Variants in FKBP5 observed in about 807,000 individuals in gnomAD.
FKBP5 encodes the protein peptidyl-prolyl cis-trans isomerase FKBP5.
A neutral mutation model predicts 50.5 loss-of-function variants in FKBP5; 23 were observed. The observed-to-expected ratio is 0.46, with a 90% CI of 0.33 to 0.65. The LOEUF is 0.65. Ranked by LOEUF, FKBP5 falls within the 30% of genes least tolerant of loss-of-function variation. The pLI is 0.02. For missense variants in FKBP5, 411 were observed against 553.1 expected (o/e 0.74, Z 2.58); for synonymous variants, 176 against 190.6 (o/e 0.92, Z 0.63).
At position 35,600,966 on chromosome 6, in the gene FKBP5, G is replaced by A. The variant is rs1215363935; in HGVS notation, c.509-3562C>T. Among the ~76,000 whole-genome samples the A allele has an allele frequency of 2.0e-5, 3 of 152,108 alleles. No homozygotes were observed. The East Asian group carries it at 5.8e-4, about 29-fold the overall frequency. Reference sequence around the variant, plus strand: ...AATAAACATGTTGGGAAAGATAAATGAAGTAACCATGCCAAAAAAAAGTCA... The same window carrying A: ...AATAAACATGTTGGGAAAGATAAATAAAGTAACCATGCCAAAAAAAAGTCA... On this transcript the variant is annotated intron_variant, in intron 5 of 10. Transcript: ENST00000357266.
In FKBP5 at chr6:35,589,260, C is replaced by G. The variant is rs367585780; in HGVS notation, c.756+1870G>C. ...TCACCTGTCTCAGCTTCCCGAATAGCTGAGATTACAGGCACCTGCCACCAC... is the reference window on the plus strand; with the variant it reads ...TCACCTGTCTCAGCTTCCCGAATAGGTGAGATTACAGGCACCTGCCACCAC... On this transcript the variant is annotated intron_variant, in intron 7 of 10. Coordinates refer to ENST00000357266, the MANE Select transcript of FKBP5 (RefSeq NM_004117.4). Among the ~76,000 whole-genome samples the G allele has an allele frequency of 2.0e-5, 3 of 151,086 alleles. No homozygotes were observed. The East Asian group carries it at 5.9e-4, about 30-fold the overall frequency.
intron 1 of FKBP5, among the ~76,000 whole-genome samples, chr6:35,650,262 C>T (rs1369306675): frequency 3.5e-5 from 5 of 142,548 alleles, no homozygotes; most frequent in Non-Finnish European, 7.5e-5. Context: ...GGTTGCACCA[C>T]TGCACTGCAG....
chr6:35,630,322 G>A (rs1324251112), intron 3 of FKBP5, among the ~76,000 whole-genome samples: 1 of 152,258 alleles, frequency 6.6e-6, no homozygotes, highest in East Asian at 1.9e-4. Context: ...GCCAAGGCAG[G>A]CGGATCACGA....
At chr6:35,706,692 A>G (rs2151020523) in intron 2 of FKBP5, among the ~76,000 whole-genome samples, 1 of 152,330 alleles carries the variant, frequency 6.6e-6, no homozygotes, top group South Asian at 2.1e-4. Context: ...CACATACTCA[A>G]TGACCTAATA....
intron 6 of FKBP5, among the ~76,000 whole-genome samples, chr6:35,595,625 C>G (rs1481973498): frequency 6.6e-6 from 1 of 152,066 alleles, no homozygotes; most frequent in Non-Finnish European, 1.5e-5. Flanking sequence ...GTGGCACACA[C>G]CTGTAGTCCC....
Position 35,573,603 on chromosome 6 carries a change from GGATTT to G in FKBP5, c.*2227_*2231del, listed in dbSNP as rs1342410768. ...AACAATGGGAAGTCACATTTTTTTT[GGATTT>G]ATTTAAAGAACACACAAAAAAGTGC... On this transcript the variant is annotated 3_prime_UTR_variant, in exon 11 of 11. Coordinates refer to ENST00000357266, the MANE Select transcript of FKBP5 (RefSeq NM_004117.4). 6.6e-6 allele frequency: 1 copy of G among 150,896 alleles called. No individual in the cohort carries two copies. The highest frequency in any genetic ancestry group is 1.5e-5 in the Non-Finnish European group (1 of 67,754). 9.3% of individuals were successfully genotyped at this position (150,896 alleles called of 1,614,324 possible).
At chr6:35,584,282 T>G in intron 8 of FKBP5, 1 of 985,468 alleles carries the variant, frequency 1.0e-6, no homozygotes, top group Non-Finnish European at 1.2e-6. Flanking sequence ...CTTTACATCT[T>G]CAATGGCAAA....
chr6:35,694,967 TAATA>T (rs1429386804), intron 2 of FKBP5, among the ~76,000 whole-genome samples: 3 of 152,166 alleles, frequency 2.0e-5, no homozygotes, highest in African/African-American at 4.8e-5. Flanking sequence ...AAGCAGCATA[TAATA>T]AATAAACAAA....
chr6:35,612,395 A>C (rs1180221394), intron 5 of FKBP5, among the ~76,000 whole-genome samples: 1 of 152,160 alleles, frequency 6.6e-6, no homozygotes, highest in Admixed American at 6.5e-5. Context: ...GGGCAACAGA[A>C]AAAGAAAAAG....
intron 1 of FKBP5, among the ~76,000 whole-genome samples, chr6:35,679,645 A>G (rs904870704): frequency 2.0e-5 from 3 of 152,262 alleles, no homozygotes; most frequent in African/African-American, 7.2e-5. Flanking sequence ...AGCTGGATAC[A>G]TTATTCTAAG....
chr6:35,718,987 C>T (rs1766559860), intron 2 of FKBP5, among the ~76,000 whole-genome samples: 1 of 152,176 alleles, frequency 6.6e-6, no homozygotes. Context: ...GGGGCAGGGA[C>T]CTCTAGCAGA....
At chr6:35,702,039 G>T (rs1766198607) in intron 2 of FKBP5, among the ~76,000 whole-genome samples, 1 of 152,018 alleles carries the variant, frequency 6.6e-6, no homozygotes, top group Non-Finnish European at 1.5e-5. Flanking sequence ...GTAGAGATGG[G>T]GTTTCACCTT....
intron 2 of FKBP5, among the ~76,000 whole-genome samples, chr6:35,720,103 C>T (rs545407957): frequency 1.3e-5 from 2 of 152,346 alleles, no homozygotes; most frequent in South Asian, 4.1e-4. Context: ...AGAACCCTGG[C>T]TGTGCTCCGT....
chr6:35,637,630 A>G (rs1437607276), intron 2 of FKBP5, among the ~76,000 whole-genome samples: 1 of 151,684 alleles, frequency 6.6e-6, no homozygotes, highest in Admixed American at 6.6e-5. Context: ...TGCTCAGCTA[A>G]TTTTTGTATT....
rs1418119258 is a variant in FKBP5 at position 35,682,977 on chromosome 6, A to G, written c.-20+5827T>C. ...TCTTTTTTAAAAAAAGGTTAAAAAC[A>G]TACGTCAATCTCTTTAAAATGTATG... On this transcript the variant is annotated intron_variant, in intron 1 of 10. Transcript: ENST00000357266. 4.0e-5 allele frequency among the ~76,000 whole-genome samples: 6 copies of G among 151,400 alleles called. No homozygotes were observed. The East Asian group carries it at 1.2e-3, about 29-fold the overall frequency.
chr6:35,715,410 TTA>T (rs572998415), intron 2 of FKBP5, among the ~76,000 whole-genome samples: 2 of 152,154 alleles, frequency 1.3e-5, no homozygotes, highest in African/African-American at 2.4e-5. Flanking sequence ...TTAAACAAGC[TTA>T]TATATATATG....
At chr6:35,716,536 A>G (rs1256923020) in intron 2 of FKBP5, among the ~76,000 whole-genome samples, 1 of 151,948 alleles carries the variant, frequency 6.6e-6, no homozygotes, top group Non-Finnish European at 1.5e-5. Flanking sequence ...TCTCACACCA[A>G]GACACACACA....
intron 5 of FKBP5, among the ~76,000 whole-genome samples, chr6:35,615,155 T>TACACAC (rs34301531): frequency 0.047 from 6,777 of 143,410 alleles, 178 homozygotes; most frequent in African/African-American, 0.067. Context: ...CAACAACAAC[T>TACACAC]ACACACACAC....
intron 3 of FKBP5, among the ~76,000 whole-genome samples, chr6:35,631,934 G>A (rs948720930): frequency 9.2e-5 from 12 of 130,450 alleles, no homozygotes; most frequent in Non-Finnish European, 1.7e-4. Flanking sequence ...CAGCCTGGGC[G>A]ACACAGCAAG....
Sources: gnomAD v4.1 joint callset for allele counts (sites outside exome capture counted in the v4.1 genomes callset) on GRCh38, gnomAD v4.1.1 for gene constraint, MANE v1.5 for transcripts, NCBI Gene and HGNC (gene_info 2026-07-23, HGNC 2026-07-21) for gene names.